The following ZFAND3 variants were observed in gnomAD, a reference collection of about 807,000 sequenced individuals.
ZFAND3 encodes the protein AN1-type zinc finger protein 3.
A neutral mutation model predicts 29.6 loss-of-function variants in ZFAND3; 10 were observed. The observed-to-expected ratio is 0.34, with a 90% confidence interval of 0.21 to 0.57. The LOEUF (loss-of-function observed/expected upper bound fraction) is 0.57. Ranked by LOEUF, ZFAND3 falls within the 20% of genes least tolerant of loss-of-function variation. ZFAND3 has a pLI of 0.86. For synonymous variants in ZFAND3, 128 were observed against 112.6 expected, an observed-to-expected ratio of 1.14 and a Z score of -0.87; for missense variants, 230 against 304.5, an observed-to-expected ratio of 0.76 and a Z score of 1.82.
chr6:38,112,987 C>G (rs183589206), intron 4 of ZFAND3, among the ~76,000 whole-genome samples: 34 of 152,178 alleles, frequency 2.2e-4, no homozygotes, highest in African/African-American at 8.2e-4. Flanking sequence ...CCTTCTTGGG[C>G]AATAGCTTGT....
intron 1 of ZFAND3, among the ~76,000 whole-genome samples, chr6:37,896,464 T>G (rs182597369): frequency 1.3e-5 from 2 of 152,264 alleles, no homozygotes; most frequent in African/African-American, 4.8e-5. Context: ...TTACATTCTT[T>G]GTATCTGTGT....
intron 2 of ZFAND3, among the ~76,000 whole-genome samples, chr6:37,953,423 T>C (rs996952455): frequency 1.3e-5 from 2 of 150,404 alleles, no homozygotes; most frequent in Non-Finnish European, 3.0e-5. Context: ...GTCATACGTT[T>C]TACTTTTGCA....
At chr6:37,957,438 A>G (rs1298276524) in intron 2 of ZFAND3, among the ~76,000 whole-genome samples, 2 of 151,986 alleles carry the variant, frequency 1.3e-5, no homozygotes, top group Non-Finnish European at 2.9e-5. Context: ...CCTGCTTTAC[A>G]GTAGGTTTGT....
At chr6:37,823,225 G>A (rs1763699031) in intron 1 of ZFAND3, among the ~76,000 whole-genome samples, 1 of 152,128 alleles carries the variant, frequency 6.6e-6, no homozygotes, top group South Asian at 2.1e-4. Flanking sequence ...AGAATAGAGC[G>A]AAGTACATAG....
chr6:37,981,361 TG>T (rs1762577076), intron 2 of ZFAND3, among the ~76,000 whole-genome samples: 1 of 152,224 alleles, frequency 6.6e-6, no homozygotes, highest in Non-Finnish European at 1.5e-5. Context: ...CTGTTATCTT[TG>T]TTTCAGATTT....
At chr6:37,856,029 C>CT (rs1314175450) in intron 1 of ZFAND3, among the ~76,000 whole-genome samples, 1 of 147,348 alleles carries the variant, frequency 6.8e-6, no homozygotes, top group Admixed American at 6.8e-5. Flanking sequence ...TTTTCTTCTT[C>CT]TTTTTTTATT....
intron 2 of ZFAND3, among the ~76,000 whole-genome samples, chr6:38,008,492 C>G (rs1160940018): frequency 1.3e-5 from 2 of 152,180 alleles, no homozygotes; most frequent in Non-Finnish European, 2.9e-5. Context: ...AAGTTGGAAT[C>G]TGTCTTAGAA....
chr6:37,905,892 T>C (rs529915997), intron 1 of ZFAND3, among the ~76,000 whole-genome samples: 4 of 152,252 alleles, frequency 2.6e-5, no homozygotes, highest in South Asian at 2.1e-4. Context: ...GTAGCAAGTG[T>C]TCAGTAAATG....
chr6:37,961,906 G>C (rs1250948010), intron 2 of ZFAND3, among the ~76,000 whole-genome samples: 2 of 152,140 alleles, frequency 1.3e-5, no homozygotes, highest in African/African-American at 2.4e-5. Context: ...AACAAGCCCA[G>C]ACTGCAAAGA....
intron 3 of ZFAND3, among the ~76,000 whole-genome samples, chr6:38,069,400 G>A (rs536535290): frequency 6.6e-6 from 1 of 152,272 alleles, no homozygotes; most frequent in South Asian, 2.1e-4. Flanking sequence ...CCATTTATCA[G>A]AGATAATTAT....
intron 2 of ZFAND3, among the ~76,000 whole-genome samples, chr6:37,957,799 G>A (rs1762110010): frequency 6.6e-6 from 1 of 152,108 alleles, no homozygotes; most frequent in Non-Finnish European, 1.5e-5. Context: ...ACGGACCTAG[G>A]CCGAAATTAT....
rs1456985189 is a variant in ZFAND3, at chr6:37,883,600, C to T, written c.72-46359C>T. Reference sequence around the variant, plus strand: ...CTCTGTTGCCCAGGCTGGAGTGCAGCGGCACAATCTTGGCTCACTGCAACC... The same window carrying T: ...CTCTGTTGCCCAGGCTGGAGTGCAGTGGCACAATCTTGGCTCACTGCAACC... On this transcript the variant is annotated intron_variant, in intron 1 of 5. Transcript: ENST00000287218. Among the ~76,000 whole-genome samples the T allele has an allele frequency of 5.6e-5, 8 of 142,154 alleles. 1 individual carries two copies. Among genetic ancestry groups the T allele is most frequent in the Admixed American group, 4.1e-4 (6 of 14,694 alleles). The allele number at this position is 142,154 out of a possible 152,430, so 93.3% of individuals were successfully genotyped here.
chr6:37,988,445 C>T (rs1762706513), intron 2 of ZFAND3, among the ~76,000 whole-genome samples: 1 of 152,188 alleles, frequency 6.6e-6, no homozygotes, highest in Non-Finnish European at 1.5e-5. Context: ...TGTCATTGCT[C>T]TAAAAATTTT....
chr6:37,934,461 G>A (rs1386008307), intron 2 of ZFAND3, among the ~76,000 whole-genome samples: 3 of 150,648 alleles, frequency 2.0e-5, no homozygotes, highest in African/African-American at 7.3e-5. Context: ...TCAAGTATTA[G>A]GATTTGAGGT....
At chr6:37,841,611 G>A (rs1487442689) in intron 1 of ZFAND3, among the ~76,000 whole-genome samples, 4 of 152,088 alleles carry the variant, frequency 2.6e-5, no homozygotes, top group African/African-American at 9.7e-5. Context: ...AGCCTCCCGA[G>A]TAGCTGGGGC....
intron 2 of ZFAND3, among the ~76,000 whole-genome samples, chr6:37,938,421 T>C (rs1581777351): frequency 6.6e-6 from 1 of 152,336 alleles, no homozygotes; most frequent in South Asian, 2.1e-4. Flanking sequence ...TGCCCTAATT[T>C]ATTTATCTAG....
At chr6:37,944,328 A>G (rs1194703350) in intron 2 of ZFAND3, among the ~76,000 whole-genome samples, 1 of 152,238 alleles carries the variant, frequency 6.6e-6, no homozygotes, top group African/African-American at 2.4e-5. Flanking sequence ...AATCTTTATT[A>G]TAGATTTTTA....
intron 1 of ZFAND3, among the ~76,000 whole-genome samples, chr6:37,854,163 C>T (rs1764333982): frequency 6.6e-6 from 1 of 152,038 alleles, no homozygotes; most frequent in South Asian, 2.1e-4. Flanking sequence ...GTTGGTCAGG[C>T]TGGTCTCGAA....
At chr6:37,897,010 A>G (rs1561926241) in intron 1 of ZFAND3, among the ~76,000 whole-genome samples, 1 of 152,030 alleles carries the variant, frequency 6.6e-6, no homozygotes, top group African/African-American at 2.4e-5. Context: ...GATATTGTTG[A>G]TAATATCCTC....
Sources: gnomAD v4.1 joint callset for allele counts (sites outside exome capture counted in the v4.1 genomes callset) on GRCh38, gnomAD v4.1.1 for gene constraint, MANE v1.5 for transcripts, NCBI Gene and HGNC (gene_info 2026-07-23, HGNC 2026-07-21) for gene names.